RALGPS2: variants seen among roughly 807,000 people sequenced by gnomAD.
The protein encoded by RALGPS2 is ras-specific guanine nucleotide-releasing factor RalGPS2.
RALGPS2 carries 43 observed loss-of-function variants against 86.8 expected under a neutral mutation model. That is an observed-to-expected ratio of 0.50 (90% CI 0.39 to 0.64). RALGPS2 has a LOEUF of 0.64. Among genes scored for constraint, RALGPS2 ranks in the 30% least tolerant of loss-of-function variants. The pLI is 0.00. For missense variants in RALGPS2, 536 were observed against 694.6 expected, an observed-to-expected ratio of 0.77 and a Z score of 2.57; for synonymous variants, 243 against 231.3, an observed-to-expected ratio of 1.05 and a Z score of -0.46.
chr1:178,840,716 G>GT lies in RALGPS2; in HGVS notation c.607+7173dup, dbSNP rs563339204. Among the ~76,000 whole-genome samples the GT allele has an allele frequency of 3.0e-3, 462 of 151,996 alleles. 1 individual carries two copies. Among genetic ancestry groups the GT allele is most frequent in the African/African-American group, 0.011 (449 of 41,470 alleles). On this transcript the variant is annotated intron_variant, in intron 8 of 19. Coordinates refer to ENST00000367635, the MANE Select transcript of RALGPS2 (RefSeq NM_152663.5). ...AAAATCCATGAATCCAGGAGCTGGT[G>GT]TTTTTTTAAAAGATCAACAAAATAG...
In RALGPS2 at chr1:178,851,185, T is replaced by C. The variant is rs1158438181; in HGVS notation, c.607+17635T>C. 5 of 1,614,052 alleles carry C rather than the reference T, an allele frequency of 3.1e-6. No homozygotes were observed. In the Admixed American group the frequency reaches 8.3e-5, roughly 27 times the overall value. ...GCTCTTAAGGAGTATGACCCGCCTC[T>C]GTATTCGGCCCAGAAAATTCCATCT... On this transcript the variant is annotated intron_variant, in intron 8 of 19. Coordinates refer to ENST00000367635, the MANE Select transcript of RALGPS2 (RefSeq NM_152663.5).
At chr1:178,844,429 C>T (rs1404882883) in intron 8 of RALGPS2, among the ~76,000 whole-genome samples, 1 of 152,144 alleles carries the variant, frequency 6.6e-6, no homozygotes, top group Non-Finnish European at 1.5e-5. Flanking sequence ...CCAAATTTAT[C>T]TGTAGTTCAA....
chr1:178,912,549 G>A (rs531381855), intron 19 of RALGPS2, among the ~76,000 whole-genome samples: 6 of 152,242 alleles, frequency 3.9e-5, no homozygotes, highest in Admixed American at 6.5e-5. Flanking sequence ...TCTACTGAAA[G>A]GTCCACTGTT....
chr1:178,894,169 T>C, intron 16 of RALGPS2, 145 bp downstream of exon 16: 1 of 530,296 alleles, frequency 1.9e-6, no homozygotes, highest in South Asian at 3.0e-5. Flanking sequence ...CCTCTTATCC[T>C]TGGGTCATCC....
chr1:178,761,376 C>T (rs189380052), intron 1 of RALGPS2, among the ~76,000 whole-genome samples: 1,791 of 150,364 alleles, frequency 0.012, 52 homozygotes, highest in African/African-American at 0.042. Context: ...TTGCAGTGAG[C>T]GGAGATCGAG....
intron 7 of RALGPS2, among the ~76,000 whole-genome samples, chr1:178,823,895 A>C (rs1369105722): frequency 6.6e-6 from 1 of 152,166 alleles, no homozygotes; most frequent in Non-Finnish European, 1.5e-5. Flanking sequence ...AGATTGTTAT[A>C]ATCATCAATG....
At chr1:178,737,721 A>C (rs1249253971) in intron 1 of RALGPS2, among the ~76,000 whole-genome samples, 1 of 152,194 alleles carries the variant, frequency 6.6e-6, no homozygotes, top group Non-Finnish European at 1.5e-5. Flanking sequence ...TGTAAGATCT[A>C]ATTTTTGTCT....
chr1:178,840,111 G>C (rs1333228505), intron 8 of RALGPS2, among the ~76,000 whole-genome samples: 2 of 152,138 alleles, frequency 1.3e-5, no homozygotes, highest in Non-Finnish European at 2.9e-5. Flanking sequence ...AGGTTAACAA[G>C]GATATCCAGG....
At chr1:178,877,429 C>G (rs1659050904) in intron 8 of RALGPS2, 69 bp from the exon 9 acceptor site, 1 of 1,591,198 alleles carries the variant, frequency 6.3e-7, no homozygotes, top group Non-Finnish European at 8.5e-7. Context: ...AACCCCTTCC[C>G]CCCTTTTCTT....
chr1:178,744,568 G>C (rs1211156732), intron 1 of RALGPS2, among the ~76,000 whole-genome samples: 2 of 152,074 alleles, frequency 1.3e-5, no homozygotes, highest in Admixed American at 1.3e-4. Context: ...CCAGCACTTA[G>C]GGATGCTGGA....
At chr1:178,734,851 C>G (rs1186028334) in intron 1 of RALGPS2, among the ~76,000 whole-genome samples, 1 of 152,140 alleles carries the variant, frequency 6.6e-6, no homozygotes, top group Non-Finnish European at 1.5e-5. Context: ...AGCAAGATCT[C>G]AGTTATGTGA....
At chr1:178,874,598 A>G (rs573762564) in intron 8 of RALGPS2, among the ~76,000 whole-genome samples, 3 of 151,664 alleles carry the variant, frequency 2.0e-5, no homozygotes, top group Admixed American at 6.6e-5. Flanking sequence ...TTCTTATGAA[A>G]CTCCTGTTTA....
chr1:178,771,031 G>A lies in RALGPS2; in HGVS notation c.-83-5651G>A, dbSNP rs147757036. 3.0e-3 allele frequency among the ~76,000 whole-genome samples: 457 copies of A among 150,226 alleles called. 2 individuals carry two copies. Among genetic ancestry groups the A allele is most frequent in the African/African-American group, 0.011 (444 of 41,082 alleles). On this transcript the variant is annotated intron_variant, in intron 1 of 19. Transcript: ENST00000367635. ...ATTTTGTATTTTTAGTGGAGACGGG[G>A]TTTCACCATGTTGGCCACGCTGGTC...
chr1:178,774,927 A>G (rs1388503445), intron 1 of RALGPS2, among the ~76,000 whole-genome samples: 1 of 152,206 alleles, frequency 6.6e-6, no homozygotes, highest in Non-Finnish European at 1.5e-5. Flanking sequence ...CTTCTAGGAA[A>G]CAGATCTTAG....
At chr1:178,884,206 A>T (rs1361341257) in intron 11 of RALGPS2, among the ~76,000 whole-genome samples, 1 of 152,188 alleles carries the variant, frequency 6.6e-6, no homozygotes, top group African/African-American at 2.4e-5. Flanking sequence ...ATAATTATAG[A>T]AGTCAATTTT....
At chr1:178,877,736 ATTTC>A in intron 9 of RALGPS2, 101 bp downstream of exon 9, 1 of 1,368,242 alleles carries the variant, frequency 7.3e-7, no homozygotes, top group Non-Finnish European at 1.0e-6. Flanking sequence ...GGGGACATCA[ATTTC>A]TTATTTCCAT....
chr1:178,852,552 G>C, intron 8 of RALGPS2: 1 of 814,654 alleles, frequency 1.2e-6, no homozygotes, highest in Non-Finnish European at 1.8e-6. Flanking sequence ...TCAGTAGGTT[G>C]GTTGTATTTC....
At chr1:178,792,991 C>T (rs1654028558) in intron 4 of RALGPS2, among the ~76,000 whole-genome samples, 2 of 152,138 alleles carry the variant, frequency 1.3e-5, no homozygotes, top group South Asian at 2.1e-4. Flanking sequence ...ATATATTTTG[C>T]TGCTGCCCCT....
chr1:178,755,419 T>C (rs559739955), intron 1 of RALGPS2, among the ~76,000 whole-genome samples: 88 of 152,318 alleles, frequency 5.8e-4, no homozygotes, highest in African/African-American at 2.0e-3. Flanking sequence ...CTCCCACTTA[T>C]AAGTGAGAAC....
Sources: allele counts gnomAD v4.1 joint callset (sites outside exome capture counted in the v4.1 genomes callset), GRCh38; gene constraint gnomAD v4.1.1; transcripts MANE v1.5; gene names NCBI Gene and HGNC (gene_info 2026-07-23, HGNC 2026-07-21).